Variants in FHIT observed in about 807,000 individuals in gnomAD.
FHIT encodes fragile histidine triad diadenosine triphosphatase.
In FHIT, 19 loss-of-function variants were observed where a neutral mutation model predicts 17.9. The ratio of observed to expected loss-of-function variants is 1.06; its 90% CI spans 0.74 to 1.56. The LOEUF (loss-of-function observed/expected upper bound fraction) is 1.56, where lower values mean the gene tolerates loss of function less well. Among genes scored for constraint, FHIT ranks in the 40% most tolerant of loss-of-function variants. The pLI, the probability that FHIT is intolerant of heterozygous loss-of-function variation, is 0.00. For synonymous variants in FHIT, 81 were observed against 69.7 expected, an observed-to-expected ratio of 1.16 and a Z score of -0.81; for missense variants, 248 against 189.2, an observed-to-expected ratio of 1.31 and a Z score of -1.82.
intron 4 of FHIT, among the ~76,000 whole-genome samples, chr3:60,589,283 G>A (rs1553663291): frequency 6.6e-6 from 1 of 151,994 alleles, no homozygotes; most frequent in African/African-American, 2.4e-5. Flanking sequence ...TTTCCTTCCA[G>A]GCCCAACCAC....
At chr3:60,078,528 A>T (rs1379677669) in intron 5 of FHIT, among the ~76,000 whole-genome samples, 2 of 152,142 alleles carry the variant, frequency 1.3e-5, no homozygotes, top group African/African-American at 4.8e-5. Flanking sequence ...ACACTAAAAG[A>T]CAGGACAACT....
chr3:60,041,861 A>T (rs1701452777), intron 5 of FHIT, among the ~76,000 whole-genome samples: 1 of 152,230 alleles, frequency 6.6e-6, no homozygotes, highest in African/African-American at 2.4e-5. Flanking sequence ...ATTACCAAAA[A>T]TCTATTTAAA....
At chr3:60,518,481 TTA>T (rs2035239875) in intron 5 of FHIT, among the ~76,000 whole-genome samples, 1 of 152,194 alleles carries the variant, frequency 6.6e-6, no homozygotes, top group Non-Finnish European at 1.5e-5. Flanking sequence ...TTCTTGAAGT[TTA>T]TGAGATGTGT....
intron 4 of FHIT, among the ~76,000 whole-genome samples, chr3:60,699,110 T>C (rs531702697): frequency 6.6e-6 from 1 of 152,330 alleles, no homozygotes; most frequent in South Asian, 2.1e-4. Flanking sequence ...TCTGTGTGTG[T>C]ATAGTTGTAA....
chr3:60,498,438 A>T (rs564612197), intron 5 of FHIT, among the ~76,000 whole-genome samples: 1 of 152,340 alleles, frequency 6.6e-6, no homozygotes, highest in East Asian at 1.9e-4. Context: ...ATGATTCCTT[A>T]TAAGAAAATA....
chr3:59,959,867 G>A (rs962586173), intron 7 of FHIT, among the ~76,000 whole-genome samples: 1 of 152,150 alleles, frequency 6.6e-6, no homozygotes, highest in African/African-American at 2.4e-5. Context: ...TGAACTGATA[G>A]GCAAGTTGAC....
intron 5 of FHIT, among the ~76,000 whole-genome samples, chr3:60,108,186 C>T (rs924218766): frequency 8.5e-5 from 13 of 152,124 alleles, no homozygotes; most frequent in Admixed American, 4.6e-4. Flanking sequence ...GTGTCCACTT[C>T]GGGGTTATTT....
intron 4 of FHIT, among the ~76,000 whole-genome samples, chr3:60,552,052 C>G (rs1451853683): frequency 6.6e-6 from 1 of 152,066 alleles, no homozygotes; most frequent in Non-Finnish European, 1.5e-5. Flanking sequence ...GTGGATTTGC[C>G]TTTTCTGGAC....
intron 5 of FHIT, among the ~76,000 whole-genome samples, chr3:60,118,957 G>T (rs909930688): frequency 7.9e-5 from 12 of 151,362 alleles, no homozygotes; most frequent in Non-Finnish European, 1.6e-4. Context: ...GGAGGCGGAG[G>T]TTGCAGTGAG....
chr3:60,619,306 C>A (rs540846708), intron 4 of FHIT, among the ~76,000 whole-genome samples: 1 of 152,002 alleles, frequency 6.6e-6, no homozygotes, highest in South Asian at 2.1e-4. Context: ...AATATTTTTG[C>A]CTAATAAATA....
chr3:59,895,773 C>A (rs879338131), intron 8 of FHIT, among the ~76,000 whole-genome samples: 1 of 152,176 alleles, frequency 6.6e-6, no homozygotes, highest in Non-Finnish European at 1.5e-5. Flanking sequence ...CTGTTAAAGG[C>A]GTTAATCAGA....
At chr3:61,083,296 A>C (rs2035201031) in intron 2 of FHIT, among the ~76,000 whole-genome samples, 1 of 152,234 alleles carries the variant, frequency 6.6e-6, no homozygotes, top group African/African-American at 2.4e-5. Context: ...TAATCACCCC[A>C]GAAAGAAACG....
intron 3 of FHIT, among the ~76,000 whole-genome samples, chr3:60,997,900 AT>A (rs1479798240): frequency 3.9e-5 from 6 of 152,242 alleles, no homozygotes; most frequent in Non-Finnish European, 5.9e-5. Flanking sequence ...GAATAATATT[AT>A]TGTAATTTTG....
rs140742628 is a variant in FHIT at position 60,463,078 on chromosome 3, C to T, written c.103+73782G>A. On this transcript the variant is annotated intron_variant, in intron 5 of 9. Transcript: ENST00000492590. Reference sequence around the variant, plus strand: ...AGGCTTTAGCATGGCAAGGGAACTTCACAAATAAGAAAGTTTAAAAATGAT... The same window carrying T: ...AGGCTTTAGCATGGCAAGGGAACTTTACAAATAAGAAAGTTTAAAAATGAT... Among the ~76,000 whole-genome samples, 8 of 152,288 alleles carry T rather than the reference C, an allele frequency of 5.3e-5. 1 individual carries two copies. In the South Asian group the frequency reaches 8.3e-4, roughly 16 times the overall value.
intron 4 of FHIT, among the ~76,000 whole-genome samples, chr3:60,749,314 T>C (rs1440232345): frequency 2.0e-5 from 3 of 148,948 alleles, no homozygotes; most frequent in African/African-American, 2.5e-5. Context: ...CGGTTTTTTT[T>C]CCGCATCTGT....
intron 8 of FHIT, among the ~76,000 whole-genome samples, chr3:59,879,117 A>C (rs1173482983): frequency 6.6e-6 from 1 of 152,230 alleles, no homozygotes; most frequent in African/African-American, 2.4e-5. Context: ...CTCACACAGT[A>C]ATTATTTCAC....
chr3:60,281,632 G>T (rs965955572), intron 5 of FHIT, among the ~76,000 whole-genome samples: 12 of 86,962 alleles, frequency 1.4e-4, no homozygotes, highest in African/African-American at 3.4e-4. Flanking sequence ...AAAAAAAAAA[G>T]GGGGGATCTA....
chr3:59,888,773 CT>C (rs1293425907), intron 8 of FHIT, among the ~76,000 whole-genome samples: 1 of 152,140 alleles, frequency 6.6e-6, no homozygotes, highest in East Asian at 1.9e-4. Context: ...TCTTAGTCTG[CT>C]TTTGCTGCTT....
At chr3:60,589,904 C>T (rs1218010190) in intron 4 of FHIT, among the ~76,000 whole-genome samples, 1 of 151,994 alleles carries the variant, frequency 6.6e-6, no homozygotes, top group African/African-American at 2.4e-5. Context: ...TTATCATCTT[C>T]TTATGCATTA....
Sources: gnomAD v4.1 joint callset for allele counts (sites outside exome capture counted in the v4.1 genomes callset) on GRCh38, gnomAD v4.1.1 for gene constraint, MANE v1.5 for transcripts, NCBI Gene and HGNC (gene_info 2026-07-23, HGNC 2026-07-21) for gene names.